DDHD1: variants seen among roughly 807,000 people sequenced by gnomAD.
DDHD1 encodes phospholipase DDHD1.
DDHD1 carries 49 observed loss-of-function variants against 96.4 expected under a neutral mutation model. The observed-to-expected ratio is 0.51, with a 90% CI of 0.40 to 0.64. The LOEUF is 0.64. Among genes scored for constraint, DDHD1 ranks in the 30% least tolerant of loss-of-function variants. DDHD1 has a pLI of 0.00. For synonymous variants in DDHD1, 442 were observed against 446.5 expected, an observed-to-expected ratio of 0.99 and a Z score of 0.13; for missense variants, 1,106 against 1,161.2, an observed-to-expected ratio of 0.95 and a Z score of 0.69.
chr14:53,068,251 T>TTTTTG (rs975192139), intron 6 of DDHD1, among the ~76,000 whole-genome samples: 6 of 144,992 alleles, frequency 4.1e-5, no homozygotes, highest in Non-Finnish European at 9.1e-5. Flanking sequence ...TACTTTTTTT[T>TTTTTG]TTTTTTTTTT....
At chr14:53,114,144 G>A (rs1035819114) in intron 1 of DDHD1, among the ~76,000 whole-genome samples, 1 of 152,220 alleles carries the variant, frequency 6.6e-6, no homozygotes. Context: ...GGGCAAAGCG[G>A]CTGTCACCAG....
At chr14:53,086,224 C>T (rs926487171) in intron 4 of DDHD1, among the ~76,000 whole-genome samples, 2 of 152,212 alleles carry the variant, frequency 1.3e-5, no homozygotes, top group African/African-American at 4.8e-5. Context: ...CTGGAAAACA[C>T]TCTTTAGGAT....
chr14:53,136,137 AC>A (rs1890226005), intron 1 of DDHD1, among the ~76,000 whole-genome samples: 1 of 151,970 alleles, frequency 6.6e-6, no homozygotes, highest in East Asian at 1.9e-4. Flanking sequence ...TATGAGATCC[AC>A]CCCCTGCCCG....
chr14:53,127,628 CA>C (rs1196151906), intron 1 of DDHD1, among the ~76,000 whole-genome samples: 1 of 152,128 alleles, frequency 6.6e-6, no homozygotes, highest in Non-Finnish European at 1.5e-5. Flanking sequence ...TTTTCCCCAC[CA>C]AGTCTTCTAA....
chr14:53,061,223 T>C (rs1883522359), intron 7 of DDHD1, 22 bp from the exon 8 acceptor site: 7 of 1,585,756 alleles, frequency 4.4e-6, no homozygotes, highest in African/African-American at 1.4e-5. Context: ...TATGAGATTA[T>C]ATACACACAC....
chr14:53,137,806 A>C (rs1305059421), intron 1 of DDHD1, among the ~76,000 whole-genome samples: 1 of 152,162 alleles, frequency 6.6e-6, no homozygotes, highest in Non-Finnish European at 1.5e-5. Flanking sequence ...AATCTCAACA[A>C]ATCCCATGCA....
intron 2 of DDHD1, among the ~76,000 whole-genome samples, chr14:53,098,778 A>G (rs1347439946): frequency 6.6e-6 from 1 of 152,016 alleles, no homozygotes; most frequent in African/African-American, 2.4e-5. Flanking sequence ...TCATCCACCA[A>G]CTTGTTAAAT....
chr14:53,084,184 G>C (rs1390473239), intron 4 of DDHD1, among the ~76,000 whole-genome samples: 1 of 152,130 alleles, frequency 6.6e-6, no homozygotes, highest in Non-Finnish European at 1.5e-5. Context: ...TTGAACACAA[G>C]ATTATATAAA....
At chr14:53,055,410 G>T (rs1423855140) in intron 10 of DDHD1, among the ~76,000 whole-genome samples, 1 of 152,134 alleles carries the variant, frequency 6.6e-6, no homozygotes, top group East Asian at 1.9e-4. Context: ...TAAAATGAGG[G>T]ACTTGATTCT....
chr14:53,087,536 C>T (rs920372025), intron 4 of DDHD1, among the ~76,000 whole-genome samples: 2 of 152,152 alleles, frequency 1.3e-5, no homozygotes, highest in Non-Finnish European at 2.9e-5. Context: ...TACATGGAAA[C>T]TGAACAACCT....
rs1043003560 is a variant in DDHD1, at chr14:53,153,262, C to T, written c.-164G>A. 1.9e-6 allele frequency: 1 copy of T among 516,652 alleles called. No homozygotes were observed. The highest frequency in any genetic ancestry group is 3.1e-6 in the Non-Finnish European group (1 of 324,488). 32.0% of individuals were successfully genotyped at this position (516,652 alleles called of 1,614,324 possible). On this transcript the variant is annotated 5_prime_UTR_variant, in exon 1 of 13. Transcript: ENST00000673822. ...GCGACCGCTCCGCCCCCACGAGACC[C>T]GCAGCCGCCGCAGCTGCGTTCTGCC...
chr14:53,055,356 A>G (rs948130698), intron 10 of DDHD1, among the ~76,000 whole-genome samples: 6 of 152,226 alleles, frequency 3.9e-5, no homozygotes, highest in African/African-American at 7.2e-5. Flanking sequence ...ATTAAAAACT[A>G]TATTATTTAC....
intron 7 of DDHD1, among the ~76,000 whole-genome samples, chr14:53,062,717 G>A (rs1330077840): frequency 6.6e-6 from 1 of 151,972 alleles, no homozygotes; most frequent in Non-Finnish European, 1.5e-5. Context: ...AACGATGAAA[G>A]GAAAACAAGG....
chr14:53,069,423 G>A, intron 6 of DDHD1, among the ~76,000 whole-genome samples: 1 of 152,178 alleles, frequency 6.6e-6, no homozygotes, highest in East Asian at 1.9e-4. Context: ...TTTTCCAACA[G>A]TGCTCACTTC....
chr14:53,072,955 T>G (rs1332443425), intron 5 of DDHD1, among the ~76,000 whole-genome samples: 1 of 151,710 alleles, frequency 6.6e-6, no homozygotes, highest in Non-Finnish European at 1.5e-5. Flanking sequence ...CTATAAAGCG[T>G]CACCCTTTTT....
chr14:53,101,784 G>C (rs1887319435), intron 2 of DDHD1, among the ~76,000 whole-genome samples: 1 of 151,876 alleles, frequency 6.6e-6, no homozygotes, highest in Non-Finnish European at 1.5e-5. Context: ...TTAGCATTTA[G>C]GCAGGAAGCA....
chr14:53,055,872 T>A lies in DDHD1; in HGVS notation c.2033A>T (p.Asn678Ile). 1 of 1,613,850 alleles carries A rather than the reference T, an allele frequency of 6.2e-7. No individual in the cohort carries two copies. Among genetic ancestry groups the A allele is most frequent in the Non-Finnish European group, 8.5e-7 (1 of 1,179,814 alleles). Residue 678 changes from asparagine (N) to isoleucine (I), a missense_variant, in exon 10 of 13, where the codon AAC becomes ATC. Around this residue, in one of 2 missense-constraint regions of DDHD1, gnomAD observed 650 missense variants for 758.8 expected, o/e 0.86. Transcript: ENST00000673822. ...CCAGTGGATCTGGACAGGTGAAATG[T>A]TGCTGTAGTGTTTCAGTATTAATGG... The part of the protein sequence containing the change: ...LEPLILKHYS[N>I]ISPVQIHWYN...
At chr14:53,055,387 G>GTATAAGCTC (rs1882955165) in intron 10 of DDHD1, among the ~76,000 whole-genome samples, 1 of 152,176 alleles carries the variant, frequency 6.6e-6, no homozygotes, top group African/African-American at 2.4e-5. Context: ...ACAGCAAGTG[G>GTATAAGCTC]TAGGACCAAG....
rs1252697854 is a variant in DDHD1 at position 53,045,571 on chromosome 14, T to C, written c.*1197A>G. On this transcript the variant is annotated 3_prime_UTR_variant, in exon 13 of 13. Coordinates refer to ENST00000673822, the MANE Select transcript of DDHD1 (RefSeq NM_001160148.2). The stretch of plus-strand genomic sequence containing the variant: ...TGATGTAATCTAATTCATGGCACTT[T>C]AAATGTTTTGGTGCCTTGGTGTATT... The C allele has an allele frequency of 6.6e-6, 1 of 152,226 alleles. No individual in the cohort carries two copies. Among genetic ancestry groups the C allele is most frequent in the Non-Finnish European group, 1.5e-5 (1 of 68,034 alleles). 9.4% of individuals were successfully genotyped at this position (152,226 alleles called of 1,614,324 possible). A position where few individuals can be genotyped will look rare whatever the true frequency, so the allele number is the denominator to read the frequency against.
Sources: gnomAD v4.1 joint callset for allele counts (sites outside exome capture counted in the v4.1 genomes callset) on GRCh38, gnomAD v4.1.1 for gene constraint, gnomAD v4.1.1 regional missense constraint, MANE v1.5 for transcripts, NCBI Gene and HGNC (gene_info 2026-07-23, HGNC 2026-07-21) for gene names.